The following CAMTA1 variants were observed in gnomAD, a reference collection of about 807,000 sequenced individuals.
CAMTA1 encodes calmodulin-binding transcription activator 1.
In CAMTA1, 27 loss-of-function variants were observed where a neutral mutation model predicts 170.9. The observed-to-expected ratio is 0.16, with a 90% CI of 0.12 to 0.22. The LOEUF is 0.22. Ranked by LOEUF, CAMTA1 falls within the 10% of genes least tolerant of loss-of-function variation. CAMTA1 has a pLI of 1.00. For synonymous variants in CAMTA1, 833 were observed against 891.5 expected, an observed-to-expected ratio of 0.93 and a Z score of 1.17; for missense variants, 1,619 against 2,217.2, an observed-to-expected ratio of 0.73 and a Z score of 5.42.
intron 6 of CAMTA1, among the ~76,000 whole-genome samples, chr1:7,502,580 C>T (rs922997614): frequency 6.6e-6 from 1 of 152,142 alleles, no homozygotes; most frequent in Non-Finnish European, 1.5e-5. Context: ...GCCTTCAGCC[C>T]CCGGCTTTCC....
At chr1:7,630,113 C>A (rs1428896580) in intron 6 of CAMTA1, among the ~76,000 whole-genome samples, 1 of 152,234 alleles carries the variant, frequency 6.6e-6, no homozygotes, top group Non-Finnish European at 1.5e-5. Context: ...CCCGGGCCCC[C>A]ACGCATACGT....
At chr1:7,354,438 C>T (rs12728342) in intron 5 of CAMTA1, among the ~76,000 whole-genome samples, 25,446 of 152,194 alleles carry the variant, frequency 0.17, 2,897 homozygotes, top group East Asian at 0.55. Flanking sequence ...CTTGAGCCAC[C>T]GCGCCCGACC....
In CAMTA1 at chr1:7,216,628, A is replaced by G. The variant is rs1208578272; in HGVS notation, c.303-32863A>G. 6.6e-6 allele frequency among the ~76,000 whole-genome samples: 1 copy of G among 152,068 alleles called. No homozygotes were observed. Among genetic ancestry groups the G allele is most frequent in the African/African-American group, 2.4e-5 (1 of 41,400 alleles). On this transcript the variant is annotated intron_variant, in intron 4 of 22. Transcript: ENST00000303635. This position sits in a 1 kb window ranked among gnomAD's most constrained non-coding sequence, Gnocchi z 4.0. ...TGGGTTCAAGCAATCCTTGTGCCTC[A>G]GCCTCCCGAATGGCTGAGACTACAG...
intron 6 of CAMTA1, among the ~76,000 whole-genome samples, chr1:7,604,464 G>C (rs1237270190): frequency 6.6e-6 from 1 of 152,076 alleles, no homozygotes; most frequent in East Asian, 1.9e-4. Context: ...TCTTCCAGTT[G>C]ATCGAATCAG....
At position 7,067,070 on chromosome 1, in the gene CAMTA1, C is replaced by A. The variant is rs984620776; in HGVS notation, c.235-24234C>A. On this transcript the variant is annotated intron_variant, in intron 3 of 22. Transcript: ENST00000303635. This position sits in a 1 kb window ranked among gnomAD's most constrained non-coding sequence, Gnocchi z 4.3. Reference sequence around the variant, plus strand: ...ATTAAGATGTGGTGAAAGGTAGACACCTTCCCTGTGCTTGGAATGCCCCAG... The same window carrying A: ...ATTAAGATGTGGTGAAAGGTAGACAACTTCCCTGTGCTTGGAATGCCCCAG... 9.2e-5 allele frequency among the ~76,000 whole-genome samples: 14 copies of A among 152,208 alleles called. No individual in the cohort carries two copies. The highest frequency in any genetic ancestry group is 3.1e-4 in the African/African-American group (13 of 41,446).
At chr1:7,030,839 GTT>G (rs35126919) in intron 3 of CAMTA1, among the ~76,000 whole-genome samples, 14 of 144,206 alleles carry the variant, frequency 9.7e-5, no homozygotes, top group East Asian at 4.1e-4. Flanking sequence ...CATCCTTAAT[GTT>G]TTTTTTTTTT....
At chr1:7,349,033 G>A (rs1374673985) in intron 5 of CAMTA1, among the ~76,000 whole-genome samples, 2 of 152,218 alleles carry the variant, frequency 1.3e-5, no homozygotes, top group Middle Eastern at 3.4e-3. Context: ...GTGTAATCCC[G>A]TCATTTGTCT....
intron 4 of CAMTA1, among the ~76,000 whole-genome samples, chr1:7,174,550 G>A (rs1161444065): frequency 2.0e-5 from 3 of 152,194 alleles, no homozygotes; most frequent in Admixed American, 6.5e-5. Flanking sequence ...GCCACGATTC[G>A]GGAGCTGAGA....
At chr1:7,147,937 A>T (rs1376535374) in intron 4 of CAMTA1, among the ~76,000 whole-genome samples, 1 of 151,320 alleles carries the variant, frequency 6.6e-6, no homozygotes, top group East Asian at 2.0e-4. Flanking sequence ...ACACAAACTC[A>T]TATACCATGC....
intron 6 of CAMTA1, among the ~76,000 whole-genome samples, chr1:7,563,615 C>T (rs1261172767): frequency 6.6e-6 from 1 of 152,214 alleles, no homozygotes; most frequent in East Asian, 1.9e-4. Flanking sequence ...CACCTTGAGA[C>T]TGGATGGCAG....
In CAMTA1 at chr1:7,435,389, T is replaced by C. The variant is rs1171515936; in HGVS notation, c.439-32441T>C. Among the ~76,000 whole-genome samples the C allele has an allele frequency of 2.0e-5, 3 of 152,158 alleles. No homozygotes were observed. The highest frequency in any genetic ancestry group is 4.8e-5 in the African/African-American group (2 of 41,440). ...ATCCCAGAACTCCAGAATTCCAAGT[T>C]TGGGACTCCTGTACCTCTCCCTGTG... On this transcript the variant is annotated intron_variant, in intron 5 of 22. Transcript: ENST00000303635. This position sits in a 1 kb window ranked among gnomAD's most constrained non-coding sequence, Gnocchi z 4.4.
At chr1:7,477,133 A>G (rs961356074) in intron 6 of CAMTA1, among the ~76,000 whole-genome samples, 3 of 152,160 alleles carry the variant, frequency 2.0e-5, no homozygotes, top group African/African-American at 7.2e-5. Context: ...AGGAGTGACC[A>G]TGGTGACACT....
At chr1:6,821,945 G>A (rs1179387811) in intron 2 of CAMTA1, among the ~76,000 whole-genome samples, 1 of 152,120 alleles carries the variant, frequency 6.6e-6, no homozygotes, top group African/African-American at 2.4e-5. Context: ...TAGAATTAGA[G>A]TTGTCAGTCA....
At chr1:7,002,405 AG>A (rs1468854512) in intron 3 of CAMTA1, among the ~76,000 whole-genome samples, 1 of 152,186 alleles carries the variant, frequency 6.6e-6, no homozygotes, top group African/African-American at 2.4e-5. Context: ...AAGAAGTCTA[AG>A]GCTGCCTATT....
At chr1:7,309,087 A>G (rs1041731846) in intron 5 of CAMTA1, among the ~76,000 whole-genome samples, 15 of 152,082 alleles carry the variant, frequency 9.9e-5, no homozygotes, top group African/African-American at 3.6e-4. Context: ...TCTGTAGTCT[A>G]CCTTGTCTGA....
chr1:6,883,510 GAGGGAGGAGGCATA>G (rs1221598369), intron 3 of CAMTA1, among the ~76,000 whole-genome samples: 4 of 152,150 alleles, frequency 2.6e-5, no homozygotes, highest in African/African-American at 9.7e-5. Context: ...GAGTACAGTG[GAGGGAGGAGGCATA>G]AGGGAGTTGA....
At chr1:7,193,121 C>T (rs548360052) in intron 4 of CAMTA1, among the ~76,000 whole-genome samples, 34 of 152,016 alleles carry the variant, frequency 2.2e-4, no homozygotes, top group South Asian at 1.5e-3. Context: ...AAGGCCAAGG[C>T]GGGAGGATCA....
In CAMTA1 at chr1:7,014,050, T is replaced by C. The variant is rs1026519584; in HGVS notation, c.235-77254T>C. On this transcript the variant is annotated intron_variant, in intron 3 of 22. Transcript: ENST00000303635. The surrounding 1 kb of genome is among the most constrained non-coding windows in gnomAD (Gnocchi z 4.2). ...ACAGTTCTTAAAATAGACCAGTCCA[T>C]GTGGGAGATAGGGAACCTGTCGAGT... Among the ~76,000 whole-genome samples the C allele has an allele frequency of 6.6e-6, 1 of 152,170 alleles. No individual in the cohort carries two copies. Among genetic ancestry groups the C allele is most frequent in the African/African-American group, 2.4e-5 (1 of 41,454 alleles).
At chr1:7,637,295 C>A (rs1229126108) in intron 6 of CAMTA1, among the ~76,000 whole-genome samples, 1 of 152,226 alleles carries the variant, frequency 6.6e-6, no homozygotes, top group Non-Finnish European at 1.5e-5. Flanking sequence ...TCCGCTCCCT[C>A]CTGCAGGGCC....
Sources: allele counts gnomAD v4.1 joint callset (sites outside exome capture counted in the v4.1 genomes callset), GRCh38; gene constraint gnomAD v4.1.1; non-coding constraint Gnocchi (gnomAD v3.1); transcripts MANE v1.5; gene names NCBI Gene and HGNC (gene_info 2026-07-23, HGNC 2026-07-21).